Variants in INAVA observed in about 807,000 individuals in gnomAD.
The protein encoded by INAVA is innate immunity activator protein.
A neutral mutation model predicts 55.3 loss-of-function variants in INAVA; 32 were observed. The ratio of observed to expected loss-of-function variants is 0.58; its 90% CI spans 0.44 to 0.78. INAVA has a LOEUF of 0.78. Among genes scored for constraint, INAVA ranks in the 30% least tolerant of loss-of-function variants. The pLI, the probability that INAVA is intolerant of heterozygous loss-of-function variation, is 0.00. For missense variants in INAVA, 756 were observed against 786.4 expected (o/e 0.96, Z 0.46); for synonymous variants, 294 against 329.4 (o/e 0.89, Z 1.16).
chr1:200,896,998 G>A (rs1221203777), intron 1 of INAVA, among the ~76,000 whole-genome samples: 8 of 152,222 alleles, frequency 5.3e-5, no homozygotes, highest in African/African-American at 1.7e-4. Context: ...CATGGGCTCC[G>A]CCCACCCCTC....
At chr1:200,906,629 G>A (rs1218080259) in intron 5 of INAVA, 1 of 151,916 alleles carries the variant, frequency 6.6e-6, no homozygotes, top group Non-Finnish European at 1.5e-5. Flanking sequence ...ATGAAGTAAA[G>A]TCACACTGAA....
rs776161042 is a variant in INAVA at position 200,911,511 on chromosome 1, C to T, written c.1018C>T (p.Arg340Cys). 2 of 1,613,898 alleles carry T rather than the reference C, an allele frequency of 1.2e-6. No individual in the cohort carries two copies. The highest frequency in any genetic ancestry group is 1.1e-5 in the South Asian group (1 of 91,060). The change falls in exon 9 of 10, where the codon CGC becomes TGC. Residue 340 changes from arginine (R) to cysteine (C), a missense_variant. Around this residue, in one of 2 missense-constraint regions of INAVA, gnomAD observed 639 missense variants for 624.3 expected, o/e 1.02. Transcript: ENST00000413687. The part of the protein sequence containing the change: ...GRGRSAFPRR[R>C]PTHYTVTVPD... ...AGGTCGCAGCGCCTTTCCCCGCCGC[C>T]GCCCCACTCACTACACGGTGACAGT... is the stretch of plus-strand genomic sequence containing the variant.
At chr1:200,904,731 T>C (rs556323859) in intron 5 of INAVA, among the ~76,000 whole-genome samples, 2 of 151,984 alleles carry the variant, frequency 1.3e-5, no homozygotes, top group South Asian at 4.2e-4. Context: ...ATCTTTTTTT[T>C]TTTTTTTCCA....
chr1:200,899,981 G>A (rs566807341), intron 3 of INAVA, 123 bp from the exon 4 acceptor site: 16 of 740,950 alleles, frequency 2.2e-5, no homozygotes, highest in Non-Finnish European at 3.7e-5. Context: ...AGGATGGGAT[G>A]AGGTGGGGTG....
At position 200,904,905 on chromosome 1, in the gene INAVA, A is replaced by C. The variant is rs558691303; in HGVS notation, c.521-2929A>C. Among the ~76,000 whole-genome samples the C allele has an allele frequency of 1.1e-4, 17 of 152,186 alleles. No homozygotes were observed. In the South Asian group the frequency reaches 3.5e-3, roughly 32 times the overall value. On this transcript the variant is annotated intron_variant, in intron 5 of 9. Coordinates refer to ENST00000413687, the MANE Select transcript of INAVA (RefSeq NM_001142569.3). The stretch of plus-strand genomic sequence containing the variant: ...GCCACCACACCCAGCAAATTAAAAC[A>C]AAACAAAACAAAAAAACTATTTTAG...
At chr1:200,904,322 C>A (rs1653398474) in intron 5 of INAVA, among the ~76,000 whole-genome samples, 1 of 152,160 alleles carries the variant, frequency 6.6e-6, no homozygotes, top group Admixed American at 6.5e-5. Context: ...CTCCTGACCT[C>A]AAGGGATCCT....
At chr1:200,902,381 CCCAGGTCACCTCCCGCAG>C (rs1480953167) in intron 5 of INAVA, among the ~76,000 whole-genome samples, 1 of 152,216 alleles carries the variant, frequency 6.6e-6, no homozygotes, top group Non-Finnish European at 1.5e-5. Flanking sequence ...CCAGACACCA[CCCAGGTCACCTCCCGCAG>C]CCAAGAGTAG....
chr1:200,900,279 GC>G, intron 4 of INAVA, 59 bp downstream of exon 4: 1 of 1,453,372 alleles, frequency 6.9e-7, no homozygotes, highest in Non-Finnish European at 9.6e-7. Flanking sequence ...TCACTGAGAC[GC>G]CACACCTCAG....
chr1:200,904,994 C>T (rs1285807947), intron 5 of INAVA, among the ~76,000 whole-genome samples: 1 of 152,184 alleles, frequency 6.6e-6, no homozygotes, highest in Non-Finnish European at 1.5e-5. Flanking sequence ...AAACCTCCTG[C>T]CTCAGCCTCT....
In INAVA at chr1:200,913,597, C is replaced by T; in HGVS notation, c.1705C>T (p.Pro569Ser). 6.2e-7 allele frequency: 1 copy of T among 1,614,036 alleles called. No individual in the cohort carries two copies. The highest frequency in any genetic ancestry group is 1.3e-5 in the African/African-American group (1 of 75,022). ...TGGGGCCCCTGTGCAAGTCTTTGTA[C>T]CTGAAAAAGGAGAGATCATCAGCCA... ...PDGAPVQVFV[P>S]EKGEIISQV Residue 569 changes from proline to serine, a missense_variant, in exon 10 of 10, where the codon CCT becomes TCT. Around this residue, in one of 2 missense-constraint regions of INAVA, gnomAD observed 117 missense variants for 162.1 expected, o/e 0.72. Coordinates refer to ENST00000413687, the MANE Select transcript of INAVA (RefSeq NM_001142569.3).
At chr1:200,913,504 T>C in intron 9 of INAVA, 33 bp from the exon 10 acceptor site, 1 of 1,578,142 alleles carries the variant, frequency 6.3e-7, no homozygotes, top group Non-Finnish European at 8.7e-7. Context: ...CTGGTTCATT[T>C]ACCCACCTGT....
chr1:200,901,503 C>G (rs1259205151), intron 5 of INAVA, among the ~76,000 whole-genome samples: 1 of 152,246 alleles, frequency 6.6e-6, no homozygotes, highest in African/African-American at 2.4e-5. Flanking sequence ...CCCCGCTGCC[C>G]TCCAGGCCCA....
At chr1:200,899,744 T>C in intron 3 of INAVA, 147 bp downstream of exon 3, 1 of 1,220,462 alleles carries the variant, frequency 8.2e-7, no homozygotes, top group Non-Finnish European at 1.1e-6. Context: ...AGAGTCCCCA[T>C]GATGCAGTGT....
chr1:200,904,537 T>A (rs1653404242), intron 5 of INAVA, among the ~76,000 whole-genome samples: 1 of 152,176 alleles, frequency 6.6e-6, no homozygotes. Context: ...AATAGCCACA[T>A]GCGGCTAGTG....
chr1:200,911,960 C>T lies in INAVA; in HGVS notation c.1467C>T (p.Ser489=). Residue 489 remains serine, a synonymous_variant, in exon 9 of 10, where the codon AGC becomes AGT. Coordinates refer to ENST00000413687, the MANE Select transcript of INAVA (RefSeq NM_001142569.3). ...TGCGGACGCCCTCCCTGAAGGACAG[C>T]CCGGCAGGCCGGGGGCTCAGCAAGG... ...RIVRTPSLKD[S]PAGRGLSKAA... is the part of the protein sequence containing the mutation. 2 of 1,537,950 alleles carry T rather than the reference C, an allele frequency of 1.3e-6. No individual in the cohort carries two copies. Among genetic ancestry groups the T allele is most frequent in the East Asian group, 4.9e-5 (2 of 41,232 alleles).
intron 2 of INAVA, 129 bp downstream of exon 2, chr1:200,898,584 G>A (rs747370323): frequency 3.1e-5 from 32 of 1,030,024 alleles, no homozygotes; most frequent in Non-Finnish European, 4.2e-5. Flanking sequence ...GGGCTGAGAG[G>A]AAGGGGAGGG....
chr1:200,909,421 G>T (rs766738860), intron 8 of INAVA, 24 bp downstream of exon 8: 3 of 1,543,276 alleles, frequency 1.9e-6, no homozygotes, highest in Non-Finnish European at 2.6e-6. Context: ...TCCCCAGAGA[G>T]ATGGGGGACC....
At chr1:200,904,611 T>C (rs1452477738) in intron 5 of INAVA, among the ~76,000 whole-genome samples, 1 of 152,210 alleles carries the variant, frequency 6.6e-6, no homozygotes, top group African/African-American at 2.4e-5. Flanking sequence ...ATCTCCACCG[T>C]TACCCCTCTG....
At chr1:200,909,042 T>C (rs2102313804) in intron 7 of INAVA, 102 bp downstream of exon 7, 1 of 1,354,082 alleles carries the variant, frequency 7.4e-7, no homozygotes, top group South Asian at 1.5e-5. Flanking sequence ...AGTGGAAAGG[T>C]GGAGGAGAGA....
Sources: gnomAD v4.1 joint callset for allele counts (sites outside exome capture counted in the v4.1 genomes callset) on GRCh38, gnomAD v4.1.1 for gene constraint, gnomAD v4.1.1 regional missense constraint, MANE v1.5 for transcripts, NCBI Gene and HGNC (gene_info 2026-07-23, HGNC 2026-07-21) for gene names.